Variants in EFR3A observed in about 807,000 individuals in gnomAD.
EFR3A encodes protein EFR3 homolog A.
Under a neutral mutation model 104.4 loss-of-function variants are expected in EFR3A, and 76 were observed. That is an observed-to-expected ratio of 0.73 (90% CI 0.60 to 0.88). The LOEUF is 0.88. EFR3A is among the 40% of genes least tolerant of loss of function. EFR3A has a pLI of 0.00. For missense variants in EFR3A, 985 were observed against 1,012.5 expected, an observed-to-expected ratio of 0.97 and a Z score of 0.37; for synonymous variants, 330 against 330.0, an observed-to-expected ratio of 1.00 and a Z score of 0.00.
At position 131,978,879 on chromosome 8, in the gene EFR3A, T is replaced by C. The variant is rs765660967; in HGVS notation, c.1359T>C (p.Val453=). The C allele has an allele frequency of 6.2e-7, 1 of 1,609,664 alleles. No homozygotes were observed. The highest frequency in any genetic ancestry group is 1.7e-5 in the Admixed American group (1 of 59,438). The change falls in exon 13 of 23, where the codon GTT becomes GTC. Residue 453 remains valine (V), a synonymous_variant. Transcript: ENST00000254624. ...VTSGYKAKTI[V]TALPGSFLDP... is the part of the protein sequence containing the mutation. ...CTGGATATAAAGCGAAGACGATTGT[T>C]ACTGCACTGCCAGGGTCTTTCCTGG... is the stretch of plus-strand genomic sequence containing the variant.
intron 8 of EFR3A, among the ~76,000 whole-genome samples, chr8:131,960,968 T>C (rs886202633): frequency 2.0e-5 from 3 of 152,186 alleles, no homozygotes; most frequent in African/African-American, 7.2e-5. Context: ...AGTGGACCTC[T>C]GGCGAACTCC....
intron 5 of EFR3A, 107 bp from the exon 6 acceptor site, chr8:131,953,711 A>G (rs1031899020): frequency 1.9e-5 from 19 of 1,016,496 alleles, no homozygotes; most frequent in Non-Finnish European, 1.3e-6. Context: ...TATTTTATTG[A>G]TAAGATAACA....
intron 10 of EFR3A, among the ~76,000 whole-genome samples, chr8:131,972,065 G>C (rs999726236): frequency 2.0e-5 from 3 of 152,028 alleles, no homozygotes; most frequent in South Asian, 2.1e-4. Context: ...ATGTTCTATT[G>C]TAAGCAGGGG....
intron 1 of EFR3A, among the ~76,000 whole-genome samples, chr8:131,907,080 A>G (rs1203542257): frequency 1.3e-5 from 2 of 152,234 alleles, no homozygotes; most frequent in African/African-American, 4.8e-5. Context: ...CACAGTGAGC[A>G]TAGTAACATT....
At chr8:131,955,702 A>G (rs1298635498) in intron 6 of EFR3A, 66 bp from the exon 7 acceptor site, 11 of 1,516,934 alleles carry the variant, frequency 7.3e-6, no homozygotes, top group South Asian at 3.8e-5. Context: ...AAAGTAAAGT[A>G]TATTTTGTTT....
intron 7 of EFR3A, among the ~76,000 whole-genome samples, chr8:131,957,806 G>A (rs945507784): frequency 3.3e-5 from 5 of 152,182 alleles, no homozygotes; most frequent in African/African-American, 1.2e-4. Flanking sequence ...TGATTTAAAA[G>A]AAATTTTGAA....
At chr8:131,986,841 T>G (rs1337691088) in intron 17 of EFR3A, among the ~76,000 whole-genome samples, 2 of 150,606 alleles carry the variant, frequency 1.3e-5, no homozygotes, top group African/African-American at 4.9e-5. Context: ...TTTTAAAAAC[T>G]GTTGGATATG....
chr8:132,004,570 G>A (rs1247721421), intron 22 of EFR3A, among the ~76,000 whole-genome samples: 3 of 152,180 alleles, frequency 2.0e-5, no homozygotes, highest in South Asian at 2.1e-4. Context: ...CAAAAAGGTC[G>A]GCGACTGTTG....
chr8:131,993,308 C>T (rs1011817129), intron 18 of EFR3A, among the ~76,000 whole-genome samples: 3 of 152,248 alleles, frequency 2.0e-5, no homozygotes, highest in Non-Finnish European at 4.4e-5. Flanking sequence ...ATTCTGGAAT[C>T]CAAGCTAATG....
At chr8:131,904,798 G>A (rs1342164197) in intron 1 of EFR3A, among the ~76,000 whole-genome samples, 1 of 152,206 alleles carries the variant, frequency 6.6e-6, no homozygotes, top group Non-Finnish European at 1.5e-5. Flanking sequence ...TATCGCCGTC[G>A]GGGCGGCTGA....
chr8:132,000,594 A>G (rs78051192), intron 19 of EFR3A, among the ~76,000 whole-genome samples: 3,360 of 152,286 alleles, frequency 0.022, 59 homozygotes, highest in African/African-American at 0.045. Flanking sequence ...CTGGCCTTCT[A>G]ACTTCTCCCA....
rs973911819 is a variant in EFR3A at position 132,013,433 on chromosome 8, A to T, written c.*2538A>T. ...AGCAATTAACTTCTCCCTACCCAAA[A>T]TGTTTTTCTTCCTGTCTGAAAATGG... On this transcript the variant is annotated 3_prime_UTR_variant, in exon 23 of 23. Coordinates refer to ENST00000254624, the MANE Select transcript of EFR3A (RefSeq NM_015137.6). 1.3e-5 allele frequency: 2 copies of T among 152,522 alleles called. No homozygotes were observed. Among genetic ancestry groups the T allele is most frequent in the Admixed American group, 1.3e-4 (2 of 15,248 alleles). The allele number at this position is 152,522 out of a possible 1,614,324, so 9.4% of individuals were successfully genotyped here. A position where few individuals can be genotyped will look rare whatever the true frequency, so the allele number is the denominator to read the frequency against.
At chr8:131,969,572 C>A (rs560758933) in intron 9 of EFR3A, among the ~76,000 whole-genome samples, 267 of 150,118 alleles carry the variant, frequency 1.8e-3, no homozygotes, top group Middle Eastern at 3.4e-3. Context: ...ATATTTTCAA[C>A]CCATAGTTGG....
rs1360404005 is a variant in EFR3A at position 132,011,009 on chromosome 8, A to G, written c.*114A>G. 2.3e-6 allele frequency: 3 copies of G among 1,316,732 alleles called. No homozygotes were observed. The highest frequency in any genetic ancestry group is 1.5e-5 in the African/African-American group (1 of 68,512). The allele number at this position is 1,316,732 out of a possible 1,614,324, so 81.6% of individuals were successfully genotyped here. A position where few individuals can be genotyped will look rare whatever the true frequency, so the allele number is the denominator to read the frequency against. The stretch of plus-strand genomic sequence containing the variant: ...CATACTTCTTGAAAATAATGATGGA[A>G]CATATCTTTAACCAAATGTTTGGCA... On this transcript the variant is annotated 3_prime_UTR_variant, in exon 23 of 23. Transcript: ENST00000254624.
intron 10 of EFR3A, 62 bp from the exon 11 acceptor site, chr8:131,975,965 T>A: frequency 9.7e-7 from 1 of 1,033,158 alleles, no homozygotes; most frequent in Non-Finnish European, 1.4e-6. Flanking sequence ...TAAAAATAAT[T>A]TTGTATTATA....
chr8:131,909,977 CA>C (rs1816437763), intron 1 of EFR3A, among the ~76,000 whole-genome samples: 1 of 152,232 alleles, frequency 6.6e-6, no homozygotes, highest in Non-Finnish European at 1.5e-5. Flanking sequence ...ATTGCCGTCT[CA>C]GTGCAGAGGT....
chr8:131,953,676 C>T (rs896600839), intron 5 of EFR3A, 142 bp from the exon 6 acceptor site: 1 of 845,648 alleles, frequency 1.2e-6, no homozygotes, highest in Non-Finnish European at 1.6e-6. Context: ...GATTTACTTT[C>T]TTAGACTTGT....
rs1392738898 is a variant in EFR3A at position 131,997,806 on chromosome 8, CCTT to C, written c.2157+1310_2157+1312del. ...TATGTGTTATTGACTGGTATTTTCA[CCTT>C]TCTCCTTTTGTTAACTATTCTTACT... is the stretch of plus-strand genomic sequence containing the variant. On this transcript the variant is annotated intron_variant, in intron 19 of 22. Transcript: ENST00000254624. Among the ~76,000 whole-genome samples the C allele has an allele frequency of 1.1e-4, 16 of 152,070 alleles. 1 individual carries two copies. Among genetic ancestry groups the C allele is most frequent in the African/African-American group, 3.9e-4 (16 of 41,530 alleles).
chr8:131,950,904 T>G (rs1021090229), intron 5 of EFR3A, among the ~76,000 whole-genome samples: 1 of 152,066 alleles, frequency 6.6e-6, no homozygotes, highest in Non-Finnish European at 1.5e-5. Context: ...GTTGATAGAA[T>G]GAGACATACA....
Sources: allele counts gnomAD v4.1 joint callset (sites outside exome capture counted in the v4.1 genomes callset), GRCh38; gene constraint gnomAD v4.1.1; transcripts MANE v1.5; gene names NCBI Gene and HGNC (gene_info 2026-07-23, HGNC 2026-07-21).